The following RARB variants were observed in gnomAD, a reference collection of about 807,000 sequenced individuals.
The protein encoded by RARB is retinoic acid receptor beta, also known as HBV-activated protein.
RARB carries 17 observed loss-of-function variants against 51.9 expected under a neutral mutation model. That is an observed-to-expected ratio of 0.33 (90% CI 0.22 to 0.49). The LOEUF (loss-of-function observed/expected upper bound fraction) is 0.49, where lower values mean the gene tolerates loss of function less well. Ranked by LOEUF, RARB falls within the 20% of genes least tolerant of loss-of-function variation. The probability of loss-of-function intolerance (pLI) is 0.99; values close to 1 mark genes in which losing one functional copy is unlikely to be tolerated. For synonymous variants in RARB, 215 were observed against 195.4 expected, an observed-to-expected ratio of 1.10 and a Z score of -0.84; for missense variants, 369 against 550.8, an observed-to-expected ratio of 0.67 and a Z score of 3.30.
intron 5 of RARB, among the ~76,000 whole-genome samples, chr3:25,272,509 A>G (rs1327951379): frequency 6.6e-6 from 1 of 152,244 alleles, no homozygotes; most frequent in Non-Finnish European, 1.5e-5. Flanking sequence ...CCGTTCCTAC[A>G]TCACTCAGGT....
At chr3:25,125,160 A>G (rs1244371925) in intron 3 of RARB, among the ~76,000 whole-genome samples, 1 of 152,212 alleles carries the variant, frequency 6.6e-6, no homozygotes, top group Non-Finnish European at 1.5e-5. Flanking sequence ...ACCCAGACAC[A>G]TACTGTTGCC....
At chr3:25,418,668 TAGG>T (rs1403376118) in intron 5 of RARB, among the ~76,000 whole-genome samples, 4 of 151,966 alleles carry the variant, frequency 2.6e-5, no homozygotes, top group Non-Finnish European at 5.9e-5. Flanking sequence ...ACAACAGCTA[TAGG>T]AGAAGAGAGA....
intron 5 of RARB, among the ~76,000 whole-genome samples, chr3:25,583,203 G>A (rs1414758247): frequency 1.3e-5 from 2 of 152,172 alleles, no homozygotes; most frequent in African/African-American, 4.8e-5. Context: ...TGTAGCAAAG[G>A]CAATTAATCA....
intron 2 of RARB, among the ~76,000 whole-genome samples, chr3:25,464,386 C>G (rs1695331444): frequency 6.6e-6 from 1 of 152,170 alleles, no homozygotes; most frequent in East Asian, 1.9e-4. Flanking sequence ...GCACAAACAA[C>G]TTTGATAAGC....
intron 2 of RARB, among the ~76,000 whole-genome samples, chr3:25,484,626 G>A (rs1696377421): frequency 6.6e-6 from 1 of 151,502 alleles, no homozygotes; most frequent in Admixed American, 6.6e-5. Flanking sequence ...TTCAATTTCA[G>A]TGTTTATAAA....
chr3:25,447,648 G>A (rs952562077), intron 1 of RARB, among the ~76,000 whole-genome samples: 2 of 152,146 alleles, frequency 1.3e-5, no homozygotes, highest in Admixed American at 1.3e-4. Context: ...GGTAAAGAGG[G>A]GTTTAAAGAA....
chr3:25,191,234 A>G (rs1256079324), intron 5 of RARB, among the ~76,000 whole-genome samples: 1 of 152,166 alleles, frequency 6.6e-6, no homozygotes, highest in Non-Finnish European at 1.5e-5. Context: ...TGGCAGCAAT[A>G]TTGCATAAAT....
chr3:24,946,915 C>G (rs1695787738), intron 2 of RARB, among the ~76,000 whole-genome samples: 1 of 152,100 alleles, frequency 6.6e-6, no homozygotes, highest in Non-Finnish European at 1.5e-5. Context: ...ACAGACCACT[C>G]AAAAGATAGG....
intron 3 of RARB, among the ~76,000 whole-genome samples, chr3:25,063,585 T>C (rs907486660): frequency 4.0e-5 from 6 of 151,884 alleles, no homozygotes; most frequent in South Asian, 2.1e-4. Flanking sequence ...GAGTGAAAAA[T>C]GCTTCCAATA....
At chr3:25,435,439 T>C (rs1708393656) in intron 1 of RARB, among the ~76,000 whole-genome samples, 1 of 152,218 alleles carries the variant, frequency 6.6e-6, no homozygotes, top group Admixed American at 6.5e-5. Context: ...TACAGTACCT[T>C]TGTCATGTCA....
chr3:25,540,441 A>G (rs956862775), intron 3 of RARB, among the ~76,000 whole-genome samples: 3 of 152,210 alleles, frequency 2.0e-5, no homozygotes, highest in Non-Finnish European at 2.9e-5. Flanking sequence ...ACTCTCTAGA[A>G]TCTGGTTTAT....
intron 3 of RARB, among the ~76,000 whole-genome samples, chr3:25,524,555 G>A (rs7615754): frequency 0.07 from 10,651 of 151,730 alleles, 445 homozygotes; most frequent in African/African-American, 0.12. Flanking sequence ...GTTAAGGACT[G>A]AAACCAGACT....
chr3:25,011,486 A>G (rs749762225), intron 2 of RARB, among the ~76,000 whole-genome samples: 24 of 152,146 alleles, frequency 1.6e-4, no homozygotes, highest in Non-Finnish European at 3.2e-4. Flanking sequence ...AGCTATATTT[A>G]GTTAGGAATT....
intron 3 of RARB, among the ~76,000 whole-genome samples, chr3:25,120,535 C>CTCTCTCTCTCTCTCTCTCTG (rs1699767340): frequency 6.7e-6 from 1 of 150,230 alleles, no homozygotes; most frequent in African/African-American, 2.5e-5. Flanking sequence ...AAATCTCTCT[C>CTCTCTCTCTCTCTCTCTCTG]TCTCTCTCTC....
intron 3 of RARB, among the ~76,000 whole-genome samples, chr3:25,127,258 A>G (rs1699875486): frequency 1.3e-5 from 2 of 152,206 alleles, no homozygotes; most frequent in Non-Finnish European, 2.9e-5. Context: ...CTGGCCCTGC[A>G]AACCTCCCTC....
chr3:25,430,663 C>T (rs1042713571), intron 1 of RARB, among the ~76,000 whole-genome samples: 7 of 152,132 alleles, frequency 4.6e-5, no homozygotes, highest in African/African-American at 1.7e-4. Context: ...ATGTGTCATT[C>T]GCCTAAAACT....
At chr3:24,964,827 C>T (rs1439258230) in intron 2 of RARB, among the ~76,000 whole-genome samples, 1 of 152,180 alleles carries the variant, frequency 6.6e-6, no homozygotes, top group Admixed American at 6.5e-5. Context: ...TTTCTGTTCT[C>T]CCTCAAGGGA....
chr3:25,240,768 T>C (rs779146264), intron 5 of RARB, among the ~76,000 whole-genome samples: 24 of 152,322 alleles, frequency 1.6e-4, no homozygotes, highest in Admixed American at 5.2e-4. Context: ...TCTGTGTCTA[T>C]CAGGGATATT....
intron 2 of RARB, among the ~76,000 whole-genome samples, chr3:24,936,172 A>G (rs1414642000): frequency 6.6e-6 from 1 of 152,116 alleles, no homozygotes; most frequent in Non-Finnish European, 1.5e-5. Flanking sequence ...ATGTTTGTAT[A>G]GAGTATGGAA....
Sources: gnomAD v4.1 joint callset for allele counts (sites outside exome capture counted in the v4.1 genomes callset) on GRCh38, gnomAD v4.1.1 for gene constraint, MANE v1.5 for transcripts, NCBI Gene and HGNC (gene_info 2026-07-23, HGNC 2026-07-21) for gene names.